SAMD7: variants seen among roughly 807,000 people sequenced by gnomAD.
The protein encoded by SAMD7 is sterile alpha motif domain-containing protein 7.
Under a neutral mutation model 36.7 loss-of-function variants are expected in SAMD7, and 34 were observed. That is an observed-to-expected ratio of 0.93 (90% CI 0.71 to 1.23). SAMD7 has a LOEUF of 1.23. Among genes scored for constraint, SAMD7 ranks in the 50% most tolerant of loss-of-function variants. The pLI is 0.00. For synonymous variants in SAMD7, 188 were observed against 189.7 expected (o/e 0.99, Z 0.07); for missense variants, 570 against 546.6 (o/e 1.04, Z -0.43).
At chr3:169,917,735 A>C (rs1402784200) in intron 2 of SAMD7, among the ~76,000 whole-genome samples, 1 of 151,820 alleles carries the variant, frequency 6.6e-6, no homozygotes, top group Non-Finnish European at 1.5e-5. Flanking sequence ...TCCGCCTCCC[A>C]GGTTCACACC....
Position 169,927,190 on chromosome 3 carries a change from C to T in SAMD7, c.919+9C>T. On this transcript the variant is annotated intron_variant, in intron 6 of 8. Transcript: ENST00000335556. ...TCGACCATCTCTGCCAGGTGGGTGT[C>T]CAGGGGCCAATGGCAGATCCTCATT... The T allele has an allele frequency of 6.6e-7, 1 of 1,518,670 alleles. No individual in the cohort carries two copies. 94.1% of individuals were successfully genotyped at this position (1,518,670 alleles called of 1,614,324 possible).
In SAMD7 at chr3:169,921,225, C is replaced by T. The variant is rs765054175; in HGVS notation, c.98C>T (p.Pro33Leu). The change falls in exon 4 of 9, where the codon CCT (proline) becomes CTT (leucine). Residue 33 changes from proline to leucine, a missense_variant. Transcript: ENST00000335556. ...GPPTVDRDVL[P>L]STVAPTDPRQ... ...CTTTTTGTTCTCAGAGATGTATTGC[C>T]TTCCACCGTAGCTCCAACTGACCCA... 3 of 1,613,952 alleles carry T rather than the reference C, an allele frequency of 1.9e-6. No individual in the cohort carries two copies. Among genetic ancestry groups the T allele is most frequent in the Middle Eastern group, 1.6e-4 (1 of 6,062 alleles).
intron 7 of SAMD7, among the ~76,000 whole-genome samples, chr3:169,933,655 T>C (rs1352261961): frequency 1.3e-5 from 2 of 152,220 alleles, no homozygotes; most frequent in Non-Finnish European, 2.9e-5. Context: ...GACTAAAATC[T>C]ATTAGAACAC....
At chr3:169,921,467 T>C in intron 4 of SAMD7, 129 bp downstream of exon 4, 11 of 856,184 alleles carry the variant, frequency 1.3e-5, no homozygotes, top group Non-Finnish European at 2.0e-5. Context: ...CTGCAGTCTC[T>C]GTAGTCACCA....
At chr3:169,933,218 C>A in intron 7 of SAMD7, 1 of 614,696 alleles carries the variant, frequency 1.6e-6, no homozygotes, top group Non-Finnish European at 3.0e-6. Context: ...AGACACAATG[C>A]CTTTCTCCCA....
At chr3:169,914,885 C>CT (rs1481273201) in intron 1 of SAMD7, among the ~76,000 whole-genome samples, 2 of 152,330 alleles carry the variant, frequency 1.3e-5, no homozygotes, top group East Asian at 3.9e-4. Context: ...CAATTATCTA[C>CT]TGGAATGACA....
intron 7 of SAMD7, among the ~76,000 whole-genome samples, chr3:169,934,761 C>G (rs1713656571): frequency 6.6e-6 from 1 of 152,180 alleles, no homozygotes; most frequent in South Asian, 2.1e-4. Flanking sequence ...ATATACAGCC[C>G]ATCATTGAAG....
chr3:169,922,993 T>C (rs1713112667), intron 4 of SAMD7, among the ~76,000 whole-genome samples: 1 of 152,182 alleles, frequency 6.6e-6, no homozygotes, highest in South Asian at 2.1e-4. Context: ...GTCGTGTTGG[T>C]GAAAACATGA....
Position 169,932,551 on chromosome 3 carries a change from G to A in SAMD7, c.1042-3788G>A, listed in dbSNP as rs1290379822. On this transcript the variant is annotated intron_variant, in intron 7 of 8. Transcript: ENST00000335556. The stretch of plus-strand genomic sequence containing the variant: ...CAGAGATCAAGCCTGTTACCATGGA[G>A]CAGCTGTTGAGCCCCTTCCTAACTG... 3 of 537,056 alleles carry A rather than the reference G, an allele frequency of 5.6e-6. No individual in the cohort carries two copies. In the African/African-American group the frequency reaches 5.8e-5, roughly 10 times the overall value. The allele number at this position is 537,056 out of a possible 1,614,324, so 33.3% of individuals were successfully genotyped here.
In SAMD7 at chr3:169,921,333, A is replaced by T. The variant is rs137945458; in HGVS notation, c.206A>T (p.Tyr69Phe). The T allele has an allele frequency of 1.1e-5, 18 of 1,613,920 alleles. No individual in the cohort carries two copies. In the African/African-American group the frequency reaches 2.3e-4, roughly 20 times the overall value. The part of the protein sequence containing the change: ...NMANVLSSRI[Y>F]PGWGILPPES... ...GCAAATGTGTTGTCCAGTCGGATCTACCCAGGTATGAGCAATAGAAGTTTG... is the reference window on the plus strand; with the variant it reads ...GCAAATGTGTTGTCCAGTCGGATCTTCCCAGGTATGAGCAATAGAAGTTTG... The change falls in exon 4 of 9, where the codon TAC becomes TTC. Residue 69 changes from tyrosine to phenylalanine, a missense_variant. Transcript: ENST00000335556.
At chr3:169,912,801 A>C (rs7613633) in intron 1 of SAMD7, among the ~76,000 whole-genome samples, 120,973 of 152,116 alleles carry the variant, frequency 0.8, 48,602 homozygotes, top group Middle Eastern at 0.89. Flanking sequence ...GGAAAAGTGA[A>C]ATACATTTTA....
chr3:169,930,347 A>C (rs774509581), intron 7 of SAMD7, among the ~76,000 whole-genome samples: 4 of 152,066 alleles, frequency 2.6e-5, no homozygotes, highest in Non-Finnish European at 5.9e-5. Flanking sequence ...TTTCCCCATT[A>C]AAGTATACTC....
chr3:169,919,503 C>T lies in SAMD7; in HGVS notation c.5C>T (p.Ala2Val), dbSNP rs774521919. 16 of 1,613,882 alleles carry T rather than the reference C, an allele frequency of 9.9e-6. No individual in the cohort carries two copies. In the South Asian group the frequency reaches 1.5e-4, roughly 16 times the overall value. MAVNPLLTPTGQ... is the reference protein window; with the variant it reads MVVNPLLTPTGQ... ...ATATTGAAGACAAACCCGGTGATGGCTGTGAACCCTTTATTGACACCAACA... is the reference window on the plus strand; with the variant it reads ...ATATTGAAGACAAACCCGGTGATGGTTGTGAACCCTTTATTGACACCAACA... Residue 2 changes from alanine to valine, a missense_variant, in exon 3 of 9, where the codon GCT becomes GTT. Ala to Val is a moderately conservative substitution (Grantham distance 64). Transcript: ENST00000335556.
rs1713816420 is a variant in SAMD7, at chr3:169,938,738, A to T, written c.*232A>T. The T allele has an allele frequency of 5.3e-6, 2 of 376,478 alleles. No individual in the cohort carries two copies. Among genetic ancestry groups the T allele is most frequent in the East Asian group, 7.9e-5 (2 of 25,262 alleles). The allele number at this position is 376,478 out of a possible 1,614,324, so 23.3% of individuals were successfully genotyped here. ...AGGAGCAAATGCTAATGAAGGGGAG[A>T]TTTACAAACATCAAGAAAGCTGCAG... On this transcript the variant is annotated 3_prime_UTR_variant, in exon 9 of 9. Coordinates refer to ENST00000335556, the MANE Select transcript of SAMD7 (RefSeq NM_001304366.2).
In SAMD7 at chr3:169,919,603, A is replaced by G. The variant is rs200017125; in HGVS notation, c.86+19A>G. 1.4e-4 allele frequency: 213 copies of G among 1,555,646 alleles called. No individual in the cohort carries two copies. Among genetic ancestry groups the G allele is most frequent in the Non-Finnish European group, 1.7e-4 (191 of 1,126,450 alleles). On this transcript the variant is annotated intron_variant, in intron 3 of 8. Coordinates refer to ENST00000335556, the MANE Select transcript of SAMD7 (RefSeq NM_001304366.2). ...TGGACAGGTATTTCTCTTCAATATA[A>G]TAGTTTGATCAAAGAACAACATGGA...
chr3:169,912,136 C>T (rs1020860839), intron 1 of SAMD7, among the ~76,000 whole-genome samples: 2 of 152,128 alleles, frequency 1.3e-5, no homozygotes, highest in African/African-American at 4.8e-5. Context: ...TGTAAATTTA[C>T]TGTAGTTTTA....
intron 7 of SAMD7, among the ~76,000 whole-genome samples, chr3:169,934,453 A>G (rs1191553809): frequency 6.6e-6 from 1 of 152,150 alleles, no homozygotes; most frequent in African/African-American, 2.4e-5. Context: ...TCATAAGAAC[A>G]AAAAATCAGA....
intron 7 of SAMD7, among the ~76,000 whole-genome samples, chr3:169,935,330 C>G (rs941466344): frequency 6.6e-6 from 1 of 152,102 alleles, no homozygotes; most frequent in African/African-American, 2.4e-5. Context: ...ATTATCTATC[C>G]TCTCTGGAAG....
intron 1 of SAMD7, among the ~76,000 whole-genome samples, chr3:169,912,193 T>C (rs972386065): frequency 1.3e-5 from 2 of 152,206 alleles, no homozygotes; most frequent in South Asian, 4.1e-4. Flanking sequence ...TTACTGCTGT[T>C]TATTTACTAT....
Sources: allele counts gnomAD v4.1 joint callset (sites outside exome capture counted in the v4.1 genomes callset), GRCh38; gene constraint gnomAD v4.1.1; transcripts MANE v1.5; gene names NCBI Gene and HGNC (gene_info 2026-07-23, HGNC 2026-07-21).